SGMS1: variants seen among roughly 807,000 people sequenced by gnomAD.
The protein encoded by SGMS1 is sphingomyelin synthase 1.
A neutral mutation model predicts 46.2 loss-of-function variants in SGMS1; 13 were observed. The observed-to-expected ratio is 0.28, with a 90% CI of 0.18 to 0.45. SGMS1 has a LOEUF of 0.45. Among genes scored for constraint, SGMS1 ranks in the 20% least tolerant of loss-of-function variants. SGMS1 has a pLI of 1.00. For synonymous variants in SGMS1, 203 were observed against 187.8 expected (o/e 1.08, Z -0.66); for missense variants, 324 against 519.9 (o/e 0.62, Z 3.66).
intron 2 of SGMS1, among the ~76,000 whole-genome samples, chr10:50,535,748 CT>C (rs1837995257): frequency 6.6e-6 from 1 of 152,140 alleles, no homozygotes; most frequent in South Asian, 2.1e-4. Flanking sequence ...AAACTTGACT[CT>C]TCTGAACATC....
At chr10:50,571,159 C>T (rs1291998382) in intron 2 of SGMS1, among the ~76,000 whole-genome samples, 1 of 152,158 alleles carries the variant, frequency 6.6e-6, no homozygotes, top group Non-Finnish European at 1.5e-5. Flanking sequence ...TAACCAATAG[C>T]TGCCTAATAA....
intron 2 of SGMS1, among the ~76,000 whole-genome samples, chr10:50,541,870 C>A (rs998062431): frequency 6.6e-6 from 1 of 152,084 alleles, no homozygotes; most frequent in Non-Finnish European, 1.5e-5. Flanking sequence ...TAAAATACAA[C>A]CTCCTAGGAA....
At chr10:50,311,478 A>G (rs1847250849) in intron 8 of SGMS1, 63 bp from the exon 9 acceptor site, 1 of 1,487,698 alleles carries the variant, frequency 6.7e-7, no homozygotes, top group Non-Finnish European at 9.1e-7. Flanking sequence ...AAAATGTGCG[A>G]AGATTACTAT....
chr10:50,378,094 T>A (rs1213205683), intron 6 of SGMS1, among the ~76,000 whole-genome samples: 1 of 152,218 alleles, frequency 6.6e-6, no homozygotes, highest in Non-Finnish European at 1.5e-5. Flanking sequence ...TACCTTGGAT[T>A]TTTTAGGAGC....
At chr10:50,330,309 A>AAAACAAAACG (rs1197031708) in intron 7 of SGMS1, among the ~76,000 whole-genome samples, 2 of 151,948 alleles carry the variant, frequency 1.3e-5, no homozygotes, top group East Asian at 3.9e-4. Context: ...AAAACAAAAC[A>AAAACAAAACG]AAACAAAACA....
intron 2 of SGMS1, among the ~76,000 whole-genome samples, chr10:50,567,009 C>T (rs576544020): frequency 1.9e-4 from 29 of 152,020 alleles, no homozygotes; most frequent in East Asian, 3.9e-4. Flanking sequence ...GGCAGTGGCG[C>T]GATCTTGGCT....
At chr10:50,517,643 T>C (rs914511599) in intron 3 of SGMS1, among the ~76,000 whole-genome samples, 8 of 152,092 alleles carry the variant, frequency 5.3e-5, no homozygotes, top group Non-Finnish European at 8.8e-5. Context: ...GAAAAATGTT[T>C]AGGGTGGATA....
chr10:50,616,323 A>G (rs1046835517), intron 1 of SGMS1, among the ~76,000 whole-genome samples: 1 of 152,072 alleles, frequency 6.6e-6, no homozygotes, highest in African/African-American at 2.4e-5. Flanking sequence ...TTTAGTAGAG[A>G]CAGGGACTCA....
chr10:50,392,395 T>A (rs1390763362), intron 6 of SGMS1, among the ~76,000 whole-genome samples: 1 of 152,332 alleles, frequency 6.6e-6, no homozygotes, highest in African/African-American at 2.4e-5. Flanking sequence ...AACATCATCA[T>A]GACTTAGATT....
intron 3 of SGMS1, among the ~76,000 whole-genome samples, chr10:50,486,339 C>A (rs530348239): frequency 3.7e-4 from 56 of 152,094 alleles, no homozygotes; most frequent in Non-Finnish European, 7.1e-4. Flanking sequence ...TAAAGAGCTC[C>A]TGCACAGCAA....
chr10:50,391,838 A>AT (rs1185548571), intron 6 of SGMS1, among the ~76,000 whole-genome samples: 3 of 133,470 alleles, frequency 2.2e-5, no homozygotes, highest in African/African-American at 8.8e-5. Flanking sequence ...TTATGCAATC[A>AT]TTAAAAAAAA....
At chr10:50,594,235 A>T (rs540320179) in intron 1 of SGMS1, among the ~76,000 whole-genome samples, 1 of 152,370 alleles carries the variant, frequency 6.6e-6, no homozygotes, top group South Asian at 2.1e-4. Context: ...ACACGACATC[A>T]GTACAGACTT....
chr10:50,378,760 A>G (rs534303435), intron 6 of SGMS1, among the ~76,000 whole-genome samples: 5 of 152,324 alleles, frequency 3.3e-5, no homozygotes, highest in Admixed American at 2.0e-4. Context: ...GAATAGGAGT[A>G]CTTTCTCTTA....
chr10:50,354,536 A>G (rs1848100279), intron 6 of SGMS1, among the ~76,000 whole-genome samples: 1 of 152,158 alleles, frequency 6.6e-6, no homozygotes, highest in Non-Finnish European at 1.5e-5. Flanking sequence ...CATGGGCAAG[A>G]ACTTCATGTC....
At chr10:50,434,044 C>T (rs1276006183) in intron 5 of SGMS1, among the ~76,000 whole-genome samples, 5 of 152,198 alleles carry the variant, frequency 3.3e-5, no homozygotes, top group African/African-American at 4.8e-5. Context: ...GGCATTATAC[C>T]AGAACTATGG....
chr10:50,590,461 T>C (rs1435263806), intron 1 of SGMS1, among the ~76,000 whole-genome samples: 1 of 152,182 alleles, frequency 6.6e-6, no homozygotes, highest in African/African-American at 2.4e-5. Flanking sequence ...CTCTAGGAAA[T>C]TTTGGAATAA....
intron 6 of SGMS1, among the ~76,000 whole-genome samples, chr10:50,375,499 A>C (rs1848510660): frequency 6.6e-6 from 1 of 152,224 alleles, no homozygotes; most frequent in South Asian, 2.1e-4. Flanking sequence ...GTAATTTATT[A>C]GTTGGCCAAG....
intron 6 of SGMS1, among the ~76,000 whole-genome samples, chr10:50,422,541 C>T (rs536948485): frequency 2.6e-5 from 4 of 152,160 alleles, no homozygotes; most frequent in Admixed American, 6.5e-5. Flanking sequence ...TCCCCAAACA[C>T]GAATCCACTG....
intron 2 of SGMS1, among the ~76,000 whole-genome samples, chr10:50,523,113 G>T (rs1001950779): frequency 2.0e-5 from 3 of 152,142 alleles, no homozygotes; most frequent in Non-Finnish European, 4.4e-5. Context: ...TCACAGTTCC[G>T]GATGCCTGCT....
Sources: allele counts gnomAD v4.1 joint callset (sites outside exome capture counted in the v4.1 genomes callset), GRCh38; gene constraint gnomAD v4.1.1; transcripts MANE v1.5; gene names NCBI Gene and HGNC (gene_info 2026-07-23, HGNC 2026-07-21).